ARID1A: variants seen among roughly 807,000 people sequenced by gnomAD.
ARID1A encodes the protein AT-rich interaction domain 1A.
In ARID1A, 20 loss-of-function variants were observed where a neutral mutation model predicts 212.6. The ratio of observed to expected loss-of-function variants is 0.09; its 90% CI spans 0.07 to 0.14. The LOEUF (loss-of-function observed/expected upper bound fraction) is 0.14, where lower values mean the gene tolerates loss of function less well. Among genes scored for constraint, ARID1A ranks in the 10% least tolerant of loss-of-function variants. The probability of loss-of-function intolerance (pLI) is 1.00; values close to 1 mark genes in which losing one functional copy is unlikely to be tolerated. For synonymous variants in ARID1A, 1,376 were observed against 1,222.1 expected (o/e 1.13, Z -2.63); for missense variants, 2,587 against 3,059.0 (o/e 0.85, Z 3.64).
intron 19 of ARID1A, among the ~76,000 whole-genome samples, chr1:26,776,667 C>G (rs553500452): frequency 2.0e-5 from 3 of 152,304 alleles, no homozygotes; most frequent in Admixed American, 6.5e-5. Context: ...CTGCATCATC[C>G]TACTCTTTTT....
intron 4 of ARID1A, among the ~76,000 whole-genome samples, chr1:26,746,275 A>T (rs34014719): frequency 0.06 from 9,067 of 152,230 alleles, 328 homozygotes; most frequent in Non-Finnish European, 0.08. Context: ...GAATGTCCTG[A>T]TATTCCTTAG....
At chr1:26,718,863 T>C (rs1454986046) in intron 1 of ARID1A, among the ~76,000 whole-genome samples, 2 of 152,220 alleles carry the variant, frequency 1.3e-5, no homozygotes, top group African/African-American at 4.8e-5. Flanking sequence ...ATACCTATGA[T>C]AAAGTTTAAT....
At chr1:26,718,017 CAGGCTGG>C (rs1426980927) in intron 1 of ARID1A, among the ~76,000 whole-genome samples, 1 of 152,154 alleles carries the variant, frequency 6.6e-6, no homozygotes, top group Non-Finnish European at 1.5e-5. Context: ...CTCTGTTGCT[CAGGCTGG>C]AGTGCAAAGG....
intron 7 of ARID1A, 67 bp from the exon 8 acceptor site, chr1:26,762,906 A>C: frequency 3.8e-5 from 52 of 1,383,252 alleles, no homozygotes; most frequent in Non-Finnish European, 4.4e-5. Context: ...TTGGTGTTCT[A>C]GAGTTGAGAG....
chr1:26,774,058 A>G lies in ARID1A; in HGVS notation c.4101+160A>G, dbSNP rs927770224. 5.5e-6 allele frequency: 6 copies of G among 1,084,264 alleles called. No homozygotes were observed. In the East Asian group the frequency reaches 7.7e-5, roughly 14 times the overall value. The allele number at this position is 1,084,264 out of a possible 1,614,324, so 67.2% of individuals were successfully genotyped here. On this transcript the variant is annotated intron_variant, in intron 17 of 19. Coordinates refer to ENST00000324856, the MANE Select transcript of ARID1A (RefSeq NM_006015.6). This position sits in a 1 kb window ranked among gnomAD's most constrained non-coding sequence, Gnocchi z 5.6. ...TCCTGCCTGAAGAGCCACGTCCTCA[A>G]TCTCTTCTCTATTTGGAGTTGGAAG...
At chr1:26,776,592 C>T (rs1010789958) in intron 19 of ARID1A, among the ~76,000 whole-genome samples, 6 of 150,026 alleles carry the variant, frequency 4.0e-5, no homozygotes, top group African/African-American at 1.5e-4. Context: ...TCTTACAAAG[C>T]TGATTCTTCA....
In ARID1A at chr1:26,762,248, C is replaced by A; in HGVS notation, c.2348C>A (p.Thr783Lys). The A allele has an allele frequency of 1.2e-6, 2 of 1,614,208 alleles. No individual in the cohort carries two copies. The highest frequency in any genetic ancestry group is 1.7e-6 in the Non-Finnish European group (2 of 1,180,042). The change falls in exon 7 of 20, where the codon ACA (threonine) becomes AAA (lysine). Residue 783 changes from threonine (T) to lysine (K), a missense_variant. Thr to Lys is a moderately conservative substitution (Grantham distance 78). Transcript: ENST00000324856. ...CAGCCTTCCGGAGGACAGATACACA[C>A]AGGCATGGGCTCCTACCAGCAGAAC... ...PRQPSGGQIH[T>K]GMGSYQQNSM...
In ARID1A at chr1:26,710,522, C is replaced by CACACACACACACACAG. The variant is rs1244931220; in HGVS notation, c.1137+12988_1137+12989insACACACACAGACACAC. On this transcript the variant is annotated intron_variant, in intron 1 of 19. Transcript: ENST00000324856. ...ACACACACACACACACACACACACA[C>CACACACACACACACAG]ACACACCACTTGTTGTTCCAGCTTG... Among the ~76,000 whole-genome samples, 14 of 151,462 alleles carry CACACACACACACACAG rather than the reference C, an allele frequency of 9.2e-5. No homozygotes were observed. The East Asian group carries it at 2.7e-3, about 29-fold the overall frequency.
At chr1:26,745,563 A>G (rs1474874896) in intron 4 of ARID1A, among the ~76,000 whole-genome samples, 1 of 152,176 alleles carries the variant, frequency 6.6e-6, no homozygotes, top group Non-Finnish European at 1.5e-5. Flanking sequence ...TATTTACAAT[A>G]CTGACACCCC....
Position 26,696,756 on chromosome 1 carries a change from C to G in ARID1A, c.353C>G (p.Thr118Arg), listed in dbSNP as rs1346716044. Residue 118 changes from threonine (T) to arginine (R), a missense_variant, in exon 1 of 20, where the codon ACG (threonine) becomes AGG (arginine). Transcript: ENST00000324856. ...AGGCCCGCCCTGAACAATAACCTCACGGAGCCGCCCGGCGGCGGCGGTGGC... is the reference window on the plus strand; with the variant it reads ...AGGCCCGCCCTGAACAATAACCTCAGGGAGCCGCCCGGCGGCGGCGGTGGC... ...GPRPALNNNL[T>R]EPPGGGGGGS... The G allele has an allele frequency of 3.0e-6, 4 of 1,353,566 alleles. No homozygotes were observed. Among genetic ancestry groups the G allele is most frequent in the Non-Finnish European group, 3.8e-6 (4 of 1,056,844 alleles). The allele number at this position is 1,353,566 out of a possible 1,614,324, so 83.8% of individuals were successfully genotyped here. A position where few individuals can be genotyped will look rare whatever the true frequency, so the allele number is the denominator to read the frequency against.
chr1:26,696,867 G>A lies in ARID1A; in HGVS notation c.464G>A (p.Gly155Asp), dbSNP rs1052177368. The A allele has an allele frequency of 1.5e-6, 2 of 1,358,980 alleles. No individual in the cohort carries two copies. Among genetic ancestry groups the A allele is most frequent in the Non-Finnish European group, 9.5e-7 (1 of 1,057,922 alleles). The allele number at this position is 1,358,980 out of a possible 1,614,324, so 84.2% of individuals were successfully genotyped here. A position where few individuals can be genotyped will look rare whatever the true frequency, so the allele number is the denominator to read the frequency against. Residue 155 changes from glycine to aspartate, a missense_variant, in exon 1 of 20, where the codon GGC (glycine) becomes GAC (aspartate). Around this residue, in one of 11 missense-constraint regions of ARID1A, gnomAD observed 735 missense variants for 590.6 expected, o/e 1.24. Coordinates refer to ENST00000324856, the MANE Select transcript of ARID1A (RefSeq NM_006015.6). ...GCCTACGGCTTCGGGCAACCCTACG[G>A]CCGGAGCCCGTCTGCCGTCGCCGCC... The part of the protein sequence containing the change: ...PPAYGFGQPY[G>D]RSPSAVAAAA...
intron 1 of ARID1A, among the ~76,000 whole-genome samples, chr1:26,718,428 T>C (rs753167523): frequency 6.6e-5 from 10 of 152,176 alleles, no homozygotes; most frequent in Non-Finnish European, 1.3e-4. Flanking sequence ...AGTCCTCCCT[T>C]ATCTGTGCGG....
At chr1:26,773,966 T>G (rs2081110174) in intron 17 of ARID1A, 68 bp downstream of exon 17, 3 of 1,545,084 alleles carry the variant, frequency 1.9e-6, no homozygotes. Flanking sequence ...TAAACTAATC[T>G]AACGTGTTGA....
At chr1:26,750,028 C>A (rs1055088389) in intron 4 of ARID1A, among the ~76,000 whole-genome samples, 2 of 152,324 alleles carry the variant, frequency 1.3e-5, no homozygotes, top group South Asian at 4.1e-4. Flanking sequence ...GTGTGTCTGG[C>A]ATCTTTCTGG....
chr1:26,708,266 C>CCT (rs2080413574), intron 1 of ARID1A, among the ~76,000 whole-genome samples: 3 of 23,740 alleles, frequency 1.3e-4, no homozygotes, highest in African/African-American at 3.3e-4. Context: ...CAGTCCTTCA[C>CCT]TTTTTTTTTT....
In ARID1A at chr1:26,732,761, T is replaced by G. The variant is rs781659030; in HGVS notation, c.1889T>G (p.Leu630Arg). The change falls in exon 4 of 20, where the codon CTG becomes CGG. Residue 630 changes from leucine to arginine, a missense_variant. Physicochemically the swap from Leu to Arg is moderately radical, Grantham distance 102. Coordinates refer to ENST00000324856, the MANE Select transcript of ARID1A (RefSeq NM_006015.6). ...SSKGGQEDMN[L>R]SLQSRPSSLP... is the part of the protein sequence containing the mutation. ...AAGGGAGGGCAAGAAGATATGAACC[T>G]GAGCCTTCAGTCAAGACCCTCCAGC... 1 of 1,613,990 alleles carries G rather than the reference T, an allele frequency of 6.2e-7. No individual in the cohort carries two copies. The highest frequency in any genetic ancestry group is 2.2e-5 in the East Asian group (1 of 44,882).
intron 1 of ARID1A, among the ~76,000 whole-genome samples, chr1:26,725,909 C>T (rs997237336): frequency 2.8e-5 from 4 of 142,544 alleles, no homozygotes; most frequent in Non-Finnish European, 1.5e-5. Flanking sequence ...GGCTGGAGTG[C>T]GGTGGCACAA....
intron 1 of ARID1A, among the ~76,000 whole-genome samples, chr1:26,724,171 A>G (rs1425086468): frequency 1.3e-5 from 2 of 152,178 alleles, no homozygotes; most frequent in Non-Finnish European, 1.5e-5. Context: ...AATGTCCAAA[A>G]GCCAAGGTTA....
chr1:26,706,884 G>C (rs747931256), intron 1 of ARID1A, among the ~76,000 whole-genome samples: 27 of 152,164 alleles, frequency 1.8e-4, no homozygotes, highest in Non-Finnish European at 2.9e-4. Context: ...TTTAGGTTTG[G>C]ATAACCGGCT....
Sources: gnomAD v4.1 joint callset for allele counts (sites outside exome capture counted in the v4.1 genomes callset) on GRCh38, gnomAD v4.1.1 for gene constraint, gnomAD v4.1.1 regional missense constraint, Gnocchi (gnomAD v3.1) non-coding constraint, MANE v1.5 for transcripts, NCBI Gene and HGNC (gene_info 2026-07-23, HGNC 2026-07-21) for gene names.